The following MYO5B variants were observed in gnomAD, a reference collection of about 807,000 sequenced individuals.
MYO5B encodes the protein myosin VB, also known as unconventional myosin-Vb.
Under a neutral mutation model 229.3 loss-of-function variants are expected in MYO5B, and 143 were observed. The ratio of observed to expected loss-of-function variants is 0.62; its 90% CI spans 0.54 to 0.72. The LOEUF (loss-of-function observed/expected upper bound fraction) is 0.72, where lower values mean the gene tolerates loss of function less well. Among genes scored for constraint, MYO5B ranks in the 30% least tolerant of loss-of-function variants. The pLI, the probability that MYO5B is intolerant of heterozygous loss-of-function variation, is 0.00. For synonymous variants in MYO5B, 918 were observed against 885.2 expected (o/e 1.04, Z -0.66); for missense variants, 2,321 against 2,331.0 (o/e 1.00, Z 0.09).
At chr18:50,012,300 T>G (rs2144344706) in intron 4 of MYO5B, among the ~76,000 whole-genome samples, 1 of 152,324 alleles carries the variant, frequency 6.6e-6, no homozygotes, top group African/African-American at 2.4e-5. Context: ...CCTTGTAACT[T>G]GTTCATGGTC....
At chr18:49,988,290 G>T (rs892758259) in intron 7 of MYO5B, among the ~76,000 whole-genome samples, 1 of 152,146 alleles carries the variant, frequency 6.6e-6, no homozygotes, top group African/African-American at 2.4e-5. Context: ...AAGCTTCAGG[G>T]CCCTCAGCCA....
intron 1 of MYO5B, among the ~76,000 whole-genome samples, chr18:50,102,875 T>C (rs2031682126): frequency 6.6e-6 from 1 of 151,940 alleles, no homozygotes; most frequent in Admixed American, 6.6e-5. Context: ...CCTCAGCCCA[T>C]AAGAGACTTT....
At chr18:49,933,549 C>G (rs2025217323) in intron 16 of MYO5B, among the ~76,000 whole-genome samples, 2 of 152,228 alleles carry the variant, frequency 1.3e-5, no homozygotes, top group African/African-American at 4.8e-5. Context: ...GAGTTCTCAA[C>G]TGGAGGCAAT....
chr18:49,836,967 G>T (rs1429072246), intron 37 of MYO5B, 82 bp from the exon 38 acceptor site: 1 of 1,312,960 alleles, frequency 7.6e-7, no homozygotes, highest in Non-Finnish European at 1.1e-6. Context: ...TGTTTTGCAG[G>T]CCCGCTGCAG....
chr18:49,974,336 G>T lies in MYO5B; in HGVS notation c.1322+14C>A. On this transcript the variant is annotated intron_variant, in intron 10 of 39. Coordinates refer to ENST00000285039, the MANE Select transcript of MYO5B (RefSeq NM_001080467.3). The stretch of plus-strand genomic sequence containing the variant: ...CCCAGGTAGCAGATAGAGCGAGACA[G>T]GCGGCAGGCCTACCCATAGATGTCC... 6.2e-7 allele frequency: 1 copy of T among 1,614,212 alleles called. No individual in the cohort carries two copies. The highest frequency in any genetic ancestry group is 1.1e-5 in the South Asian group (1 of 91,084).
At chr18:50,132,924 C>G (rs1384692533) in intron 1 of MYO5B, among the ~76,000 whole-genome samples, 1 of 152,244 alleles carries the variant, frequency 6.6e-6, no homozygotes, top group Non-Finnish European at 1.5e-5. Flanking sequence ...ATAGCTTCAA[C>G]CACTGGGATG....
At chr18:50,014,618 C>G (rs1035691787) in intron 4 of MYO5B, among the ~76,000 whole-genome samples, 1 of 152,202 alleles carries the variant, frequency 6.6e-6, no homozygotes, top group Non-Finnish European at 1.5e-5. Flanking sequence ...CCTTACAGAT[C>G]TGTCAGAGCT....
chr18:50,194,050 C>T (rs2033264457), intron 1 of MYO5B, among the ~76,000 whole-genome samples: 2 of 152,230 alleles, frequency 1.3e-5, no homozygotes, highest in Non-Finnish European at 2.9e-5. Context: ...ACCCCCTCCC[C>T]GCAGTCACTG....
chr18:50,102,304 A>T (rs1205885307), intron 1 of MYO5B, among the ~76,000 whole-genome samples: 1 of 152,130 alleles, frequency 6.6e-6, no homozygotes, highest in Non-Finnish European at 1.5e-5. Context: ...GGCACACCAC[A>T]TACTTATGTA....
chr18:49,885,886 T>C (rs1370655389), intron 22 of MYO5B, among the ~76,000 whole-genome samples: 1 of 152,154 alleles, frequency 6.6e-6, no homozygotes, highest in Non-Finnish European at 1.5e-5. Context: ...TAGAGAAAAG[T>C]AGGATACACA....
intron 2 of MYO5B, among the ~76,000 whole-genome samples, chr18:50,054,289 C>T (rs906939041): frequency 6.6e-6 from 1 of 152,228 alleles, no homozygotes; most frequent in African/African-American, 2.4e-5. Flanking sequence ...ATCACTTGAA[C>T]CCAGGAGTTT....
At chr18:50,058,164 C>T (rs1020183864) in intron 1 of MYO5B, among the ~76,000 whole-genome samples, 2 of 152,208 alleles carry the variant, frequency 1.3e-5, no homozygotes, top group Non-Finnish European at 2.9e-5. Flanking sequence ...AATACTTTCA[C>T]ATTTTAATGC....
intron 1 of MYO5B, among the ~76,000 whole-genome samples, chr18:50,189,119 C>G (rs769325443): frequency 3.3e-5 from 5 of 152,154 alleles, no homozygotes; most frequent in Admixed American, 6.5e-5. Flanking sequence ...TTCAGCCTTT[C>G]CTGGGACCAT....
In MYO5B at chr18:50,036,951, G is replaced by C. The variant is rs984900775; in HGVS notation, c.354C>G (p.Ile118Met). The C allele has an allele frequency of 1.2e-6, 2 of 1,614,132 alleles. No individual in the cohort carries two copies. The highest frequency in any genetic ancestry group is 8.5e-7 in the Non-Finnish European group (1 of 1,180,008). Residue 118 changes from isoleucine to methionine, a missense_variant, in exon 4 of 40, where the codon ATC (isoleucine) becomes ATG (methionine). Physicochemically the swap from Ile to Met is conservative, Grantham distance 10 (BLOSUM62 1). Around this residue, in one of 2 missense-constraint regions of MYO5B, gnomAD observed 2,113 missense variants for 2,044.7 expected, o/e 1.03. Transcript: ENST00000285039. Reference sequence around the variant, plus strand: ...AGGTATAGATGACATCTTGTCCATAGATTGGCAACTGTTCATAAGGATTAA... The same window carrying C: ...AGGTATAGATGACATCTTGTCCATACATTGGCAACTGTTCATAAGGATTAA... ...VAINPYEQLP[I>M]YGQDVIYTYS...
At position 50,042,981 on chromosome 18, in the gene MYO5B, C is replaced by A. The variant is rs528641951; in HGVS notation, c.139-2667G>T. Among the ~76,000 whole-genome samples, 8 of 152,140 alleles carry A rather than the reference C, an allele frequency of 5.3e-5. No individual in the cohort carries two copies. In the South Asian group the frequency reaches 1.2e-3, roughly 24 times the overall value. On this transcript the variant is annotated intron_variant, in intron 2 of 39. Coordinates refer to ENST00000285039, the MANE Select transcript of MYO5B (RefSeq NM_001080467.3). ...AGATGAATCTCTTCAACTCTTCCCC[C>A]CAAGGATGTAAACTAATACAACCAC...
chr18:50,026,215 G>C (rs1218949784), intron 4 of MYO5B, among the ~76,000 whole-genome samples: 1 of 152,134 alleles, frequency 6.6e-6, no homozygotes, highest in African/African-American at 2.4e-5. Context: ...TGTCTGGCTA[G>C]CCATCTTTCA....
chr18:49,905,981 C>A (rs1307278000), intron 19 of MYO5B, among the ~76,000 whole-genome samples: 1 of 152,192 alleles, frequency 6.6e-6, no homozygotes, highest in Non-Finnish European at 1.5e-5. Flanking sequence ...GCAAAAGGGG[C>A]CTCCCAGGAC....
At position 49,980,529 on chromosome 18, in the gene MYO5B, C is replaced by T. The variant is rs1251603538; in HGVS notation, c.971G>A (p.Ser324Asn). Residue 324 changes from serine to asparagine, a missense_variant, in exon 9 of 40, where the codon AGC (serine) becomes AAC (asparagine). Physicochemically the swap from Ser to Asn is conservative, Grantham distance 46 (BLOSUM62 1). Transcript: ENST00000285039. ...GATAGAAGCAATTATCTTAAAAATG[C>T]TCATCTGATGGGACTCTTTCACTCC... The part of the protein sequence containing the change: ...LLGVKESHQM[S>N]IFKIIASILH... 1 of 1,613,534 alleles carries T rather than the reference C, an allele frequency of 6.2e-7. No individual in the cohort carries two copies. The highest frequency in any genetic ancestry group is 1.7e-5 in the Admixed American group (1 of 60,014).
chr18:50,133,652 G>C (rs1320835428), intron 1 of MYO5B, among the ~76,000 whole-genome samples: 1 of 152,168 alleles, frequency 6.6e-6, no homozygotes, highest in Non-Finnish European at 1.5e-5. Flanking sequence ...TTACACTCCA[G>C]CTTATTCCTC....
Sources: gnomAD v4.1 joint callset for allele counts (sites outside exome capture counted in the v4.1 genomes callset) on GRCh38, gnomAD v4.1.1 for gene constraint, gnomAD v4.1.1 regional missense constraint, MANE v1.5 for transcripts, NCBI Gene and HGNC (gene_info 2026-07-23, HGNC 2026-07-21) for gene names.